The following PCDHA10 variants were observed in gnomAD, a reference collection of about 807,000 sequenced individuals.
PCDHA10 encodes protocadherin alpha 10.
In PCDHA10, 45 loss-of-function variants were observed where a neutral mutation model predicts 61.2. The ratio of observed to expected loss-of-function variants is 0.74; its 90% CI spans 0.58 to 0.94. PCDHA10 has a LOEUF of 0.94. PCDHA10 is among the 40% of genes least tolerant of loss of function. The probability of loss-of-function intolerance (pLI) is 0.00; values close to 1 mark genes in which losing one functional copy is unlikely to be tolerated. For synonymous variants in PCDHA10, 602 were observed against 548.8 expected, an observed-to-expected ratio of 1.10 and a Z score of -1.35; for missense variants, 1,278 against 1,236.2, an observed-to-expected ratio of 1.03 and a Z score of -0.51.
At chr5:140,878,371 G>A (rs543191231) in intron 1 of PCDHA10, among the ~76,000 whole-genome samples, 53 of 152,276 alleles carry the variant, frequency 3.5e-4, no homozygotes, top group Non-Finnish European at 6.5e-4. Flanking sequence ...TCTGACATAT[G>A]ATGAATGATT....
intron 1 of PCDHA10, chr5:140,883,247 A>C: frequency 6.2e-7 from 1 of 1,614,084 alleles, no homozygotes; most frequent in Non-Finnish European, 8.5e-7. Context: ...TGACAAAGGA[A>C]ATATTCCAAT....
intron 1 of PCDHA10, among the ~76,000 whole-genome samples, chr5:140,953,196 TA>T (rs1166571162): frequency 6.6e-6 from 1 of 152,156 alleles, no homozygotes; most frequent in Non-Finnish European, 1.5e-5. Context: ...TTGATTAGAC[TA>T]AAAATGCAAA....
In PCDHA10 at chr5:140,993,462, T is replaced by C. The variant is rs540334246; in HGVS notation, c.2536+10899T>C. ...CATTCCTGTTCTCCTTCTTTCTTTCTCACACACACACACACACACACACAC... is the reference window on the plus strand; with the variant it reads ...CATTCCTGTTCTCCTTCTTTCTTTCCCACACACACACACACACACACACAC... On this transcript the variant is annotated intron_variant, in intron 3 of 3. Transcript: ENST00000307360. Among the ~76,000 whole-genome samples the C allele has an allele frequency of 4.2e-3, 597 of 141,044 alleles. 4 individuals are homozygous for C. Among genetic ancestry groups the C allele is most frequent in the African/African-American group, 0.015 (577 of 37,966 alleles). 92.5% of individuals were successfully genotyped at this position (141,044 alleles called of 152,430 possible).
intron 1 of PCDHA10, among the ~76,000 whole-genome samples, chr5:140,974,558 C>A (rs984567503): frequency 4.5e-4 from 68 of 152,132 alleles, no homozygotes; most frequent in African/African-American, 1.6e-3. Context: ...GTTGCCCAGG[C>A]TGGAGTGCAA....
intron 1 of PCDHA10, chr5:140,876,792 A>T: frequency 6.2e-7 from 1 of 1,614,116 alleles, no homozygotes; most frequent in Non-Finnish European, 8.5e-7. Context: ...CCACGGCTAG[A>T]GTGTCCGTGG....
intron 1 of PCDHA10, among the ~76,000 whole-genome samples, chr5:140,874,443 C>G (rs1554167205): frequency 6.6e-6 from 1 of 152,208 alleles, no homozygotes; most frequent in Non-Finnish European, 1.5e-5. Context: ...GTCCTAACTA[C>G]TAAATGACCT....
chr5:140,858,252 C>T lies in PCDHA10; in HGVS notation c.2204C>T (p.Pro735Leu). 1 of 1,596,744 alleles carries T rather than the reference C, an allele frequency of 6.3e-7. No individual in the cohort carries two copies. Residue 735 changes from proline (P) to leucine (L), a missense_variant, in exon 1 of 4, where the codon CCC becomes CTC. Coordinates refer to ENST00000307360, the MANE Select transcript of PCDHA10 (RefSeq NM_018901.4). Reference sequence around the variant, plus strand: ...GAGGGCGCATGTGGGCCGGTGAAGCCCACGCTGGTGTGCTCTAGCGCGGTG... The same window carrying T: ...GAGGGCGCATGTGGGCCGGTGAAGCTCACGCTGGTGTGCTCTAGCGCGGTG... The part of the protein sequence containing the change: ...PTEGACGPVK[P>L]TLVCSSAVGS...
At chr5:140,917,157 G>A (rs77234668) in intron 1 of PCDHA10, among the ~76,000 whole-genome samples, 2,784 of 152,240 alleles carry the variant, frequency 0.018, 84 homozygotes, top group African/African-American at 0.063. Context: ...TGGGGGATAT[G>A]GGAGGGGTGA....
intron 1 of PCDHA10, chr5:140,858,795 C>A: frequency 2.6e-6 from 1 of 379,570 alleles, no homozygotes; most frequent in Non-Finnish European, 4.8e-6. Context: ...ATTTCATTTC[C>A]AATCTAAATT....
chr5:140,927,624 G>A (rs1554204821), intron 1 of PCDHA10: 3 of 1,614,212 alleles, frequency 1.9e-6, no homozygotes, highest in Non-Finnish European at 2.5e-6. Context: ...AGGTTCCAGA[G>A]ACTGCACCCA....
intron 2 of PCDHA10, among the ~76,000 whole-genome samples, chr5:140,979,595 A>G (rs1261298748): frequency 1.3e-5 from 2 of 152,212 alleles, no homozygotes; most frequent in African/African-American, 4.8e-5. Context: ...GCTTACTTTA[A>G]ATTAACCTAG....
intron 1 of PCDHA10, among the ~76,000 whole-genome samples, chr5:140,900,657 C>T (rs116775770): frequency 0.011 from 1,723 of 152,294 alleles, 23 homozygotes; most frequent in African/African-American, 0.039. Context: ...CTGCAATGAA[C>T]AATGGGAGTG....
chr5:140,878,145 A>G (rs1331184448), intron 1 of PCDHA10: 4 of 183,786 alleles, frequency 2.2e-5, no homozygotes, highest in African/African-American at 9.5e-5. Flanking sequence ...CAGATGTTTG[A>G]TAACTTAAAA....
At chr5:140,946,872 T>C (rs983892070) in intron 1 of PCDHA10, among the ~76,000 whole-genome samples, 7 of 151,402 alleles carry the variant, frequency 4.6e-5, no homozygotes, top group Admixed American at 1.3e-4. Flanking sequence ...GGTTGGTCAA[T>C]GGGTACGAAG....
chr5:140,882,560 C>G (rs150463901), intron 1 of PCDHA10: 2 of 1,614,168 alleles, frequency 1.2e-6, no homozygotes, highest in African/African-American at 2.7e-5. Context: ...GCTGTGTGGG[C>G]GGAGCGCGGA....
chr5:140,984,960 CAG>C (rs1387655082), intron 3 of PCDHA10, among the ~76,000 whole-genome samples: 2 of 151,386 alleles, frequency 1.3e-5, no homozygotes, highest in African/African-American at 4.9e-5. Context: ...TTTTTTGAGA[CAG>C]AGTCTCGCTC....
intron 1 of PCDHA10, among the ~76,000 whole-genome samples, chr5:140,941,235 C>CT: frequency 7.4e-6 from 1 of 135,248 alleles, no homozygotes; most frequent in Non-Finnish European, 1.6e-5. Context: ...TTCTTTCTTT[C>CT]TTTCTTTCTT....
intron 3 of PCDHA10, among the ~76,000 whole-genome samples, chr5:140,998,365 A>G (rs1434602564): frequency 6.6e-6 from 1 of 152,142 alleles, no homozygotes; most frequent in African/African-American, 2.4e-5. Context: ...ACCACTGCAC[A>G]CACCGTCTCT....
chr5:140,866,884 T>C (rs1016288169), intron 1 of PCDHA10: 1 of 152,130 alleles, frequency 6.6e-6, no homozygotes, highest in Non-Finnish European at 1.5e-5. Flanking sequence ...TATTAGCCTA[T>C]ACCCAGATAT....
Sources: allele counts gnomAD v4.1 joint callset (sites outside exome capture counted in the v4.1 genomes callset), GRCh38; gene constraint gnomAD v4.1.1; transcripts MANE v1.5; gene names NCBI Gene and HGNC (gene_info 2026-07-23, HGNC 2026-07-21).